Variants in ZNF407 observed in about 807,000 individuals in gnomAD.
ZNF407 encodes zinc finger protein 407.
Under a neutral mutation model 131.2 loss-of-function variants are expected in ZNF407, and 17 were observed. The ratio of observed to expected loss-of-function variants is 0.13; its 90% CI spans 0.09 to 0.19. The LOEUF (loss-of-function observed/expected upper bound fraction) is 0.19, where lower values mean the gene tolerates loss of function less well. ZNF407 is among the 10% of genes least tolerant of loss of function. The probability of loss-of-function intolerance (pLI) is 1.00; values close to 1 mark genes in which losing one functional copy is unlikely to be tolerated. For missense variants in ZNF407, 2,681 were observed against 2,830.6 expected (o/e 0.95, Z 1.20); for synonymous variants, 1,156 against 1,062.0 (o/e 1.09, Z -1.72).
chr18:74,634,728 G>T lies in ZNF407; in HGVS notation c.3709G>T (p.Ala1237Ser). 1.2e-6 allele frequency: 2 copies of T among 1,614,038 alleles called. No individual in the cohort carries two copies. Among genetic ancestry groups the T allele is most frequent in the Non-Finnish European group, 1.7e-6 (2 of 1,179,912 alleles). ...CCATTGTGAGGGTGAAGGAGGAAACGCAGGAGACGGTGGAGGTGTTGTCCC... is the reference window on the plus strand; with the variant it reads ...CCATTGTGAGGGTGAAGGAGGAAACTCAGGAGACGGTGGAGGTGTTGTCCC... ...RVHCEGEGGNAGDGGGVVPHR... is the reference protein window; with the variant it reads ...RVHCEGEGGNSGDGGGVVPHR... The change falls in exon 2 of 9, where the codon GCA (alanine) becomes TCA (serine). Residue 1237 changes from alanine to serine, a missense_variant. This residue lies in a region of ZNF407 where 1,789 missense variants were observed against 1,748.7 expected (regional missense o/e 1.02). Coordinates refer to ENST00000299687, the MANE Select transcript of ZNF407 (RefSeq NM_017757.3).
chr18:74,789,855 G>GT (rs3992949), intron 4 of ZNF407, among the ~76,000 whole-genome samples: 2,259 of 138,576 alleles, frequency 0.016, 62 homozygotes, highest in African/African-American at 0.054. Context: ...TTTGTATCTG[G>GT]TTTTTTTTTT....
At chr18:74,830,172 A>G (rs1328081528) in intron 4 of ZNF407, among the ~76,000 whole-genome samples, 1 of 152,224 alleles carries the variant, frequency 6.6e-6, no homozygotes, top group Non-Finnish European at 1.5e-5. Context: ...AGCCTTCAGA[A>G]CTGTGAGAAA....
intron 4 of ZNF407, among the ~76,000 whole-genome samples, chr18:74,836,741 T>A (rs2145125688): frequency 6.6e-6 from 1 of 152,258 alleles, no homozygotes; most frequent in Non-Finnish European, 1.5e-5. Flanking sequence ...CTTTGTGGAA[T>A]GCTTTATTTC....
intron 1 of ZNF407, among the ~76,000 whole-genome samples, chr18:74,623,558 T>A (rs774915474): frequency 6.6e-6 from 1 of 152,228 alleles, no homozygotes; most frequent in Non-Finnish European, 1.5e-5. Context: ...TTCATTTGAC[T>A]GAAATAATTG....
chr18:74,688,374 A>G (rs1967144481), intron 3 of ZNF407, among the ~76,000 whole-genome samples: 1 of 152,226 alleles, frequency 6.6e-6, no homozygotes. Flanking sequence ...TAGGAGCCTA[A>G]CAGATATCTA....
At chr18:74,686,133 C>T (rs1967091995) in intron 3 of ZNF407, among the ~76,000 whole-genome samples, 1 of 152,204 alleles carries the variant, frequency 6.6e-6, no homozygotes, top group African/African-American at 2.4e-5. Context: ...CATTGATCTT[C>T]CTTTGCTTTC....
intron 1 of ZNF407, among the ~76,000 whole-genome samples, chr18:74,607,568 A>C (rs989864205): frequency 2.0e-5 from 3 of 152,130 alleles, no homozygotes; most frequent in African/African-American, 7.2e-5. Flanking sequence ...TGTCACGACC[A>C]CTGGCCATTG....
At chr18:74,756,055 G>C (rs569937314) in intron 3 of ZNF407, among the ~76,000 whole-genome samples, 2 of 150,796 alleles carry the variant, frequency 1.3e-5, no homozygotes, top group African/African-American at 2.4e-5. Flanking sequence ...CACCACACCC[G>C]GCTGATTTTT....
At chr18:74,945,995 G>T (rs554273696) in intron 8 of ZNF407, among the ~76,000 whole-genome samples, 18 of 152,276 alleles carry the variant, frequency 1.2e-4, no homozygotes, top group Admixed American at 2.0e-4. Flanking sequence ...TGCTGCCACA[G>T]CCATTCATTG....
intron 7 of ZNF407, among the ~76,000 whole-genome samples, chr18:74,902,748 G>C (rs1351021437): frequency 1.3e-5 from 2 of 152,150 alleles, no homozygotes; most frequent in Non-Finnish European, 2.9e-5. Context: ...AGCAACTGTA[G>C]ACTTAGGGAG....
intron 4 of ZNF407, among the ~76,000 whole-genome samples, chr18:74,813,633 T>G (rs1015912273): frequency 6.6e-6 from 1 of 152,152 alleles, no homozygotes; most frequent in Admixed American, 6.5e-5. Context: ...GGAAGCCAGA[T>G]GTGTGGCTGA....
intron 3 of ZNF407, among the ~76,000 whole-genome samples, chr18:74,760,740 C>G (rs2144972334): frequency 6.6e-6 from 1 of 152,196 alleles, no homozygotes; most frequent in South Asian, 2.1e-4. Flanking sequence ...ACCTGTTTGA[C>G]CGCTCCTCCT....
At chr18:74,877,687 A>G (rs1971178697) in intron 5 of ZNF407, among the ~76,000 whole-genome samples, 3 of 152,180 alleles carry the variant, frequency 2.0e-5, no homozygotes. Flanking sequence ...ATCTTTATAG[A>G]AGGTCATATG....
chr18:75,045,917 T>A (rs1241737624), intron 8 of ZNF407, among the ~76,000 whole-genome samples: 1 of 152,340 alleles, frequency 6.6e-6, no homozygotes, highest in Admixed American at 6.5e-5. Flanking sequence ...TGTTCTATTA[T>A]ATTTGTGTCA....
rs1969185077 is a variant in ZNF407 at position 74,764,558 on chromosome 18, T to C, written c.4803-16870T>C. ...TACAACCCTAGAAATTAAAAAGCAATACAATAGAACAACTATTTATGTAGC... is the reference window on the plus strand; with the variant it reads ...TACAACCCTAGAAATTAAAAAGCAACACAATAGAACAACTATTTATGTAGC... On this transcript the variant is annotated intron_variant, in intron 3 of 8. Coordinates refer to ENST00000299687, the MANE Select transcript of ZNF407 (RefSeq NM_017757.3). Among the ~76,000 whole-genome samples the C allele has an allele frequency of 2.0e-5, 3 of 152,164 alleles. No homozygotes were observed. The South Asian group carries it at 6.2e-4, about 31-fold the overall frequency.
chr18:74,627,831 GCCCCGCCCCA>G (rs1351729581), intron 1 of ZNF407, among the ~76,000 whole-genome samples: 5 of 98,100 alleles, frequency 5.1e-5, no homozygotes, highest in Admixed American at 1.1e-4. Context: ...GCCCTGCCCT[GCCCCGCCCCA>G]CCCCGCCCCG....
chr18:75,002,964 G>T (rs938468290), intron 8 of ZNF407, among the ~76,000 whole-genome samples: 1 of 152,144 alleles, frequency 6.6e-6, no homozygotes, highest in Non-Finnish European at 1.5e-5. Context: ...TGGAAATTCA[G>T]GTTTGCCATC....
chr18:74,961,983 A>G (rs555260383), intron 8 of ZNF407, among the ~76,000 whole-genome samples: 5 of 152,334 alleles, frequency 3.3e-5, no homozygotes, highest in African/African-American at 1.2e-4. Context: ...TACGTTCATT[A>G]GGTTATGTAT....
At chr18:74,612,438 A>G (rs1983104777) in intron 1 of ZNF407, among the ~76,000 whole-genome samples, 1 of 152,238 alleles carries the variant, frequency 6.6e-6, no homozygotes. Flanking sequence ...TCAAAAACAA[A>G]CATGATTTTT....
Sources: gnomAD v4.1 joint callset for allele counts (sites outside exome capture counted in the v4.1 genomes callset) on GRCh38, gnomAD v4.1.1 for gene constraint, gnomAD v4.1.1 regional missense constraint, MANE v1.5 for transcripts, NCBI Gene and HGNC (gene_info 2026-07-23, HGNC 2026-07-21) for gene names.